The following ASAP1 variants were observed in gnomAD, a reference collection of about 807,000 sequenced individuals.
The protein encoded by ASAP1 is arf-GAP with SH3 domain, ANK repeat and PH domain-containing protein 1.
Under a neutral mutation model 145.2 loss-of-function variants are expected in ASAP1, and 43 were observed. That is an observed-to-expected ratio of 0.30 (90% CI 0.23 to 0.38). The LOEUF is 0.38. Among genes scored for constraint, ASAP1 ranks in the 10% least tolerant of loss-of-function variants. The pLI, the probability that ASAP1 is intolerant of heterozygous loss-of-function variation, is 1.00. For missense variants in ASAP1, 1,018 were observed against 1,355.3 expected, an observed-to-expected ratio of 0.75 and a Z score of 3.91; for synonymous variants, 546 against 515.5, an observed-to-expected ratio of 1.06 and a Z score of -0.80.
intron 1 of ASAP1, among the ~76,000 whole-genome samples, chr8:130,439,703 A>G (rs957077636): frequency 1.3e-5 from 2 of 152,250 alleles, no homozygotes; most frequent in African/African-American, 4.8e-5. Context: ...AAAGATGAGT[A>G]GCAATTAGCC....
chr8:130,428,290 AAT>A (rs1174168079), intron 1 of ASAP1, among the ~76,000 whole-genome samples: 1 of 151,090 alleles, frequency 6.6e-6, no homozygotes, highest in East Asian at 2.0e-4. Context: ...GCATGTCTAA[AAT>A]ATAAAATTGG....
intron 3 of ASAP1, among the ~76,000 whole-genome samples, chr8:130,307,313 A>T (rs1317196421): frequency 6.6e-6 from 1 of 152,154 alleles, no homozygotes; most frequent in Non-Finnish European, 1.5e-5. Context: ...TTCAGGAAAT[A>T]ATATTTAACT....
At chr8:130,252,300 A>G (rs1819246642) in intron 3 of ASAP1, among the ~76,000 whole-genome samples, 1 of 152,194 alleles carries the variant, frequency 6.6e-6, no homozygotes, top group Non-Finnish European at 1.5e-5. Context: ...CTAGAACTGT[A>G]AAGTGCAGAG....
chr8:130,366,962 GC>G (rs1416574362), intron 2 of ASAP1, among the ~76,000 whole-genome samples: 2 of 146,088 alleles, frequency 1.4e-5, no homozygotes, highest in African/African-American at 5.1e-5. Context: ...CACAATCCCG[GC>G]TCACTGCAAC....
intron 2 of ASAP1, among the ~76,000 whole-genome samples, chr8:130,363,093 T>G (rs967556254): frequency 1.3e-5 from 2 of 152,212 alleles, no homozygotes; most frequent in Non-Finnish European, 1.5e-5. Context: ...ATGGGGGCAA[T>G]GACAACCCCT....
At chr8:130,394,632 T>C (rs1378627586) in intron 2 of ASAP1, among the ~76,000 whole-genome samples, 2 of 152,162 alleles carry the variant, frequency 1.3e-5, no homozygotes, top group Non-Finnish European at 2.9e-5. Context: ...AAATCCCTAA[T>C]AAAAACTTGC....
chr8:130,361,622 T>A (rs1436897364), intron 2 of ASAP1: 1 of 1,361,184 alleles, frequency 7.3e-7, no homozygotes, highest in African/African-American at 1.4e-5. Context: ...ATATACCTCC[T>A]CAGACTGGTC....
At chr8:130,195,633 T>C (rs952549071) in intron 5 of ASAP1, among the ~76,000 whole-genome samples, 1 of 152,210 alleles carries the variant, frequency 6.6e-6, no homozygotes, top group Non-Finnish European at 1.5e-5. Context: ...TTCCCCCTGC[T>C]AGTACATACA....
intron 1 of ASAP1, among the ~76,000 whole-genome samples, chr8:130,428,934 A>T (rs1433421779): frequency 6.6e-6 from 1 of 152,216 alleles, no homozygotes; most frequent in Non-Finnish European, 1.5e-5. Flanking sequence ...CAAAATCAAT[A>T]TATCAGCAGG....
intron 1 of ASAP1, among the ~76,000 whole-genome samples, chr8:130,419,186 G>C (rs1490706693): frequency 6.6e-6 from 1 of 152,180 alleles, no homozygotes; most frequent in South Asian, 2.1e-4. Flanking sequence ...CCAAGGACAC[G>C]GCGCTATGGG....
intron 5 of ASAP1, among the ~76,000 whole-genome samples, chr8:130,203,235 T>C (rs559596519): frequency 1.6e-4 from 25 of 152,326 alleles, no homozygotes; most frequent in African/African-American, 5.3e-4. Flanking sequence ...TAGAAAGCAC[T>C]GCATTGGACA....
intron 5 of ASAP1, 145 bp downstream of exon 5, chr8:130,214,411 T>C: frequency 1.5e-6 from 1 of 673,104 alleles, no homozygotes; most frequent in Non-Finnish European, 2.1e-6. Context: ...GTGTGGAAGT[T>C]ACCTAGGACT....
chr8:130,088,081 C>G (rs147718693), intron 25 of ASAP1, among the ~76,000 whole-genome samples: 13 of 152,134 alleles, frequency 8.5e-5, no homozygotes, highest in Admixed American at 2.0e-4. Context: ...TGTGACCTGA[C>G]TAGGAAAAAG....
At chr8:130,415,602 A>G (rs1587003548) in intron 1 of ASAP1, among the ~76,000 whole-genome samples, 1 of 152,346 alleles carries the variant, frequency 6.6e-6, no homozygotes, top group East Asian at 1.9e-4. Flanking sequence ...AGCCTGGCCA[A>G]CATGGTGAAA....
intron 5 of ASAP1, among the ~76,000 whole-genome samples, chr8:130,197,065 C>T (rs560856165): frequency 1.7e-4 from 26 of 152,346 alleles, no homozygotes; most frequent in African/African-American, 6.3e-4. Context: ...CTGGGAAAAC[C>T]GTTTAACCTT....
intron 2 of ASAP1, among the ~76,000 whole-genome samples, chr8:130,371,850 A>C (rs149545807): frequency 2.6e-3 from 396 of 152,300 alleles, no homozygotes; most frequent in Non-Finnish European, 4.3e-3. Flanking sequence ...TGCTAATGTT[A>C]TTTGGGTTTT....
In ASAP1 at chr8:130,147,723, G is replaced by A. The variant is rs193151825; in HGVS notation, c.1080+5013C>T. Among the ~76,000 whole-genome samples, 9 of 152,272 alleles carry A rather than the reference G, an allele frequency of 5.9e-5. No homozygotes were observed. In the East Asian group the frequency reaches 1.4e-3, roughly 23 times the overall value. ...CATTTACTGCAGATGGACTCAAAAGGATGTGGTCTGACTCTCCCCCTGTTC... is the reference window on the plus strand; with the variant it reads ...CATTTACTGCAGATGGACTCAAAAGAATGTGGTCTGACTCTCCCCCTGTTC... On this transcript the variant is annotated intron_variant, in intron 13 of 29. Coordinates refer to ENST00000518721, the MANE Select transcript of ASAP1 (RefSeq NM_018482.4).
At chr8:130,276,728 A>ACACACACACACTCTCTCT (rs548512902) in intron 3 of ASAP1, among the ~76,000 whole-genome samples, 46 of 87,298 alleles carry the variant, frequency 5.3e-4, no homozygotes, top group African/African-American at 1.2e-3. Context: ...ACACACACAC[A>ACACACACACACTCTCTCT]CTCTCTCTCT....
At chr8:130,214,137 T>C (rs1162485247) in intron 5 of ASAP1, among the ~76,000 whole-genome samples, 1 of 152,218 alleles carries the variant, frequency 6.6e-6, no homozygotes, top group African/African-American at 2.4e-5. Context: ...AAGTGAGATA[T>C]AATACTTTCA....
Sources: gnomAD v4.1 joint callset for allele counts (sites outside exome capture counted in the v4.1 genomes callset) on GRCh38, gnomAD v4.1.1 for gene constraint, MANE v1.5 for transcripts, NCBI Gene and HGNC (gene_info 2026-07-23, HGNC 2026-07-21) for gene names.